MTHFD1L: variants seen among roughly 807,000 people sequenced by gnomAD.
The protein encoded by MTHFD1L is monofunctional C1-tetrahydrofolate synthase, mitochondrial.
In MTHFD1L, 81 loss-of-function variants were observed where a neutral mutation model predicts 119.5. The observed-to-expected ratio is 0.68, with a 90% CI of 0.57 to 0.82. The LOEUF (loss-of-function observed/expected upper bound fraction) is 0.82, where lower values mean the gene tolerates loss of function less well. Ranked by LOEUF, MTHFD1L falls within the 40% of genes least tolerant of loss-of-function variation. The pLI is 0.00. For synonymous variants in MTHFD1L, 430 were observed against 475.2 expected (o/e 0.90, Z 1.24); for missense variants, 1,125 against 1,253.4 (o/e 0.90, Z 1.55).
chr6:150,980,611 C>A (rs1433190666), intron 20 of MTHFD1L, among the ~76,000 whole-genome samples: 1 of 150,592 alleles, frequency 6.6e-6, no homozygotes, highest in East Asian at 1.9e-4. Flanking sequence ...GGCATGGTGG[C>A]GCATGCCTAT....
At chr6:151,099,424 T>C in intron 27 of MTHFD1L, 1 of 791,856 alleles carries the variant, frequency 1.3e-6, no homozygotes, top group Non-Finnish European at 2.1e-6. Flanking sequence ...GCCACTACAG[T>C]GAGGCTGGCC....
chr6:150,887,012 A>G (rs537077483), intron 6 of MTHFD1L, among the ~76,000 whole-genome samples: 78 of 151,918 alleles, frequency 5.1e-4, no homozygotes, highest in Non-Finnish European at 9.7e-4. Context: ...AAAAAAAAGA[A>G]AAGAAAAAAT....
chr6:151,030,724 A>G (rs562577015), intron 24 of MTHFD1L, among the ~76,000 whole-genome samples: 68 of 152,328 alleles, frequency 4.5e-4, no homozygotes, highest in Admixed American at 7.2e-4. Flanking sequence ...AGCTTAGTCA[A>G]TAGGAAATAT....
chr6:150,909,319 C>G (rs912968765), intron 8 of MTHFD1L, among the ~76,000 whole-genome samples: 1 of 151,660 alleles, frequency 6.6e-6, no homozygotes, highest in Non-Finnish European at 1.5e-5. Flanking sequence ...AAAAGTCTTG[C>G]TCTGTTGCCC....
At chr6:150,977,718 CCA>C (rs902463682) in intron 20 of MTHFD1L, among the ~76,000 whole-genome samples, 3 of 152,032 alleles carry the variant, frequency 2.0e-5, no homozygotes, top group African/African-American at 7.3e-5. Context: ...GGTTTTGATT[CCA>C]GTTTTCAGAT....
intron 24 of MTHFD1L, among the ~76,000 whole-genome samples, chr6:151,030,411 A>C (rs1011038386): frequency 9.9e-5 from 15 of 152,196 alleles, no homozygotes; most frequent in African/African-American, 3.4e-4. Context: ...CTGGGAGCTG[A>C]CTTCTAACAA....
rs148383692 is a variant in MTHFD1L, at chr6:150,949,045, T to A, written c.1638T>A (p.Asn546Lys). 270 of 1,613,852 alleles carry A rather than the reference T, an allele frequency of 1.7e-4. No homozygotes were observed. The African/African-American group carries it at 3.1e-3, about 18-fold the overall frequency. Residue 546 changes from asparagine (N) to lysine (K), a missense_variant, in exon 16 of 28, where the codon AAT becomes AAA. Asn to Lys is a moderately conservative substitution (Grantham distance 94, BLOSUM62 0). Coordinates refer to ENST00000367321, the MANE Select transcript of MTHFD1L (RefSeq NM_015440.5). The part of the protein sequence containing the change: ...QLARLKKLGI[N>K]KTDPSTLTEE... Reference sequence around the variant, plus strand: ...TTAATCATTAGAAACTGGGAATAAATAAGACTGATCCGAGCACACTGACAG... The same window carrying A: ...TTAATCATTAGAAACTGGGAATAAAAAAGACTGATCCGAGCACACTGACAG...
intron 15 of MTHFD1L, among the ~76,000 whole-genome samples, chr6:150,947,170 T>C (rs1794109567): frequency 6.6e-6 from 1 of 150,544 alleles, no homozygotes; most frequent in Admixed American, 6.6e-5. Flanking sequence ...CGATCTCGGC[T>C]CGCTGCAACC....
intron 15 of MTHFD1L, 129 bp downstream of exon 15, chr6:150,945,670 T>C: frequency 1.3e-6 from 1 of 797,880 alleles, no homozygotes; most frequent in South Asian, 1.7e-5. Context: ...TATTAAACTC[T>C]ATAGAGACCG....
chr6:150,936,926 C>T lies in MTHFD1L; in HGVS notation c.1379C>T (p.Thr460Met), dbSNP rs755118470. 8.7e-6 allele frequency: 14 copies of T among 1,614,102 alleles called. No individual in the cohort carries two copies. The highest frequency in any genetic ancestry group is 4.5e-5 in the East Asian group (2 of 44,876). The change falls in exon 12 of 28, where the codon ACG (threonine) becomes ATG (methionine). Residue 460 changes from threonine (T) to methionine (M), a missense_variant. By Grantham distance (81) the Thr-to-Met change is moderately conservative. This residue lies in a region of MTHFD1L where 1,058 missense variants were observed against 1,151.2 expected (regional missense o/e 0.92). Coordinates refer to ENST00000367321, the MANE Select transcript of MTHFD1L (RefSeq NM_015440.5). Reference protein sequence around the residue: ...ACLRQPSQGPTFGVKGGAAGG... With the variant: ...ACLRQPSQGPMFGVKGGAAGG... ...TTGAGGCAGCCTTCCCAAGGACCGACGTTTGGAGTGAAAGGTACTGTCTTT... is the reference window on the plus strand; with the variant it reads ...TTGAGGCAGCCTTCCCAAGGACCGATGTTTGGAGTGAAAGGTACTGTCTTT...
intron 7 of MTHFD1L, among the ~76,000 whole-genome samples, chr6:150,892,268 T>G (rs1452787147): frequency 6.6e-6 from 1 of 152,210 alleles, no homozygotes; most frequent in East Asian, 1.9e-4. Context: ...CACAGATACT[T>G]TTGCTAGTTG....
intron 1 of MTHFD1L, among the ~76,000 whole-genome samples, chr6:150,871,940 C>T (rs563502846): frequency 1.4e-4 from 21 of 150,160 alleles, no homozygotes; most frequent in Admixed American, 2.6e-4. Context: ...TGCAGTGGCG[C>T]GATCTCTGCT....
At chr6:150,914,769 G>C (rs1382993144) in intron 8 of MTHFD1L, among the ~76,000 whole-genome samples, 1 of 152,196 alleles carries the variant, frequency 6.6e-6, no homozygotes, top group Non-Finnish European at 1.5e-5. Flanking sequence ...ATGCGTTCCT[G>C]CTTTCGATAT....
At chr6:150,866,745 A>T in intron 1 of MTHFD1L, 1 of 1,027,256 alleles carries the variant, frequency 9.7e-7, no homozygotes, top group African/African-American at 1.7e-5. Flanking sequence ...CTGGGTTTGC[A>T]GGGTTTTCTG....
At chr6:151,022,720 T>G (rs919116655) in intron 24 of MTHFD1L, among the ~76,000 whole-genome samples, 1 of 152,198 alleles carries the variant, frequency 6.6e-6, no homozygotes, top group Non-Finnish European at 1.5e-5. Flanking sequence ...CCTGAGTCAG[T>G]AGCCCTTTCT....
intron 20 of MTHFD1L, among the ~76,000 whole-genome samples, chr6:150,979,096 G>A (rs34481393): frequency 0.31 from 46,350 of 151,674 alleles, 7,413 homozygotes; most frequent in East Asian, 0.62. Context: ...AAAATTAGCC[G>A]AGCGTGGTTG....
At chr6:150,980,345 G>A (rs1361937589) in intron 20 of MTHFD1L, among the ~76,000 whole-genome samples, 1 of 152,114 alleles carries the variant, frequency 6.6e-6, no homozygotes, top group Non-Finnish European at 1.5e-5. Flanking sequence ...TCGTCCCCTC[G>A]CTGTCTGTTC....
intron 11 of MTHFD1L, chr6:150,935,336 A>T: frequency 6.2e-7 from 1 of 1,613,168 alleles, no homozygotes; most frequent in Non-Finnish European, 8.5e-7. Flanking sequence ...GATATCAGAA[A>T]ATCAAGGAGT....
chr6:151,021,586 G>T (rs188128476), intron 24 of MTHFD1L, among the ~76,000 whole-genome samples: 172 of 152,110 alleles, frequency 1.1e-3, no homozygotes, highest in Admixed American at 2.6e-3. Context: ...AATCAATGCT[G>T]GTTCTTCCTC....
Sources: allele counts gnomAD v4.1 joint callset (sites outside exome capture counted in the v4.1 genomes callset), GRCh38; gene constraint gnomAD v4.1.1; regional missense constraint gnomAD v4.1.1; transcripts MANE v1.5; gene names NCBI Gene and HGNC (gene_info 2026-07-23, HGNC 2026-07-21).